ST3GAL5: variants seen among roughly 807,000 people sequenced by gnomAD.
ST3GAL5 encodes ST3 beta-galactoside alpha-2,3-sialyltransferase 5.
In ST3GAL5, 25 loss-of-function variants were observed where a neutral mutation model predicts 46.1. The observed-to-expected ratio is 0.54, with a 90% CI of 0.40 to 0.76. The LOEUF (loss-of-function observed/expected upper bound fraction) is 0.76. ST3GAL5 is among the 30% of genes least tolerant of loss of function. ST3GAL5 has a pLI of 0.00. For missense variants in ST3GAL5, 431 were observed against 521.2 expected (o/e 0.83, Z 1.69); for synonymous variants, 182 against 192.7 (o/e 0.94, Z 0.46).
chr2:85,851,716 G>C (rs1478253151), intron 3 of ST3GAL5: 3 of 1,289,232 alleles, frequency 2.3e-6, no homozygotes, highest in Non-Finnish European at 3.0e-6. Flanking sequence ...GCAATGAAGA[G>C]AGGAAGCAGT....
chr2:85,841,688 A>G (rs1682123271), intron 6 of ST3GAL5, among the ~76,000 whole-genome samples: 1 of 152,182 alleles, frequency 6.6e-6, no homozygotes, highest in African/African-American at 2.4e-5. Context: ...TCCTTTAAAA[A>G]TGTATCCTAC....
At chr2:85,885,798 C>A (rs1398554215) in intron 1 of ST3GAL5, among the ~76,000 whole-genome samples, 2 of 150,198 alleles carry the variant, frequency 1.3e-5, no homozygotes, top group Admixed American at 6.6e-5. Flanking sequence ...GCACTCCAGC[C>A]TGGGCGACGG....
intron 5 of ST3GAL5, chr2:85,845,913 G>A (rs1305874669): frequency 5.6e-6 from 1 of 178,112 alleles, no homozygotes; most frequent in East Asian, 1.5e-4. Flanking sequence ...CACTGGAAGA[G>A]GGCCAGGTGC....
chr2:85,865,426 A>G (rs1685193191), intron 1 of ST3GAL5, among the ~76,000 whole-genome samples: 1 of 152,160 alleles, frequency 6.6e-6, no homozygotes, highest in Non-Finnish European at 1.5e-5. Context: ...CTGTGTAGCA[A>G]GAGTTTTTAT....
chr2:85,875,920 G>C (rs1686506186), intron 1 of ST3GAL5, among the ~76,000 whole-genome samples: 1 of 152,150 alleles, frequency 6.6e-6, no homozygotes, highest in Admixed American at 6.5e-5. Flanking sequence ...CTGATTCCAA[G>C]ACCTGCCGCC....
Position 85,844,545 on chromosome 2 carries a change from C to A in ST3GAL5, c.859G>T (p.Val287Leu). 6.2e-7 allele frequency: 1 copy of A among 1,614,054 alleles called. No homozygotes were observed. Among genetic ancestry groups the A allele is most frequent in the South Asian group, 1.1e-5 (1 of 91,086 alleles). Residue 287 changes from valine to leucine, a missense_variant, in exon 6 of 7, where the codon GTA becomes TTA. Coordinates refer to ENST00000638572, the MANE Select transcript of ST3GAL5 (RefSeq NM_003896.4). Reference sequence around the variant, plus strand: ...ACCTGCTTCCAAAAGAAGAGTCGTACCCAGAATGGCTAAGGAAAGCAAGCA... The same window carrying A: ...ACCTGCTTCCAAAAGAAGAGTCGTAACCAGAATGGCTAAGGAAAGCAAGCA... ...MVKKETLPFW[V>L]RLFFWKQVAE...
At chr2:85,878,191 ACT>A (rs1686781442) in intron 1 of ST3GAL5, among the ~76,000 whole-genome samples, 1 of 152,156 alleles carries the variant, frequency 6.6e-6, no homozygotes, top group South Asian at 2.1e-4. Flanking sequence ...AGGTTTAGAA[ACT>A]CTGATTTGCC....
chr2:85,844,063 A>G (rs1026861688), intron 6 of ST3GAL5, among the ~76,000 whole-genome samples: 1 of 152,234 alleles, frequency 6.6e-6, no homozygotes, highest in Non-Finnish European at 1.5e-5. Context: ...TTAAAAAATA[A>G]AATGTAAATA....
intron 1 of ST3GAL5, among the ~76,000 whole-genome samples, chr2:85,863,709 C>CT (rs144021958): frequency 2.0e-3 from 285 of 144,756 alleles, no homozygotes; most frequent in Middle Eastern, 3.6e-3. Flanking sequence ...TCTCAACATT[C>CT]TTTTTTTTTT....
At chr2:85,841,311 C>T (rs1014221007) in intron 6 of ST3GAL5, among the ~76,000 whole-genome samples, 6 of 151,844 alleles carry the variant, frequency 4.0e-5, no homozygotes, top group East Asian at 1.9e-4. Context: ...TTCTTCCCAC[C>T]GTCTGTTTGG....
At chr2:85,852,865 A>T in intron 3 of ST3GAL5, 3 of 1,303,980 alleles carry the variant, frequency 2.3e-6, no homozygotes, top group Non-Finnish European at 3.0e-6. Context: ...CTTACCTCTA[A>T]GATATCCCAG....
intron 1 of ST3GAL5, among the ~76,000 whole-genome samples, chr2:85,872,009 C>T (rs1256325513): frequency 6.6e-6 from 1 of 152,116 alleles, no homozygotes; most frequent in African/African-American, 2.4e-5. Flanking sequence ...CTTCCCAGCA[C>T]AGCAGGAGAC....
Position 85,863,501 on chromosome 2 carries a change from A to T in ST3GAL5, c.83-16T>A. ...CTTGGCATTGCTGTGAAGAGAGGCGAAGAGGGCAGTGGGGAAAAAGAGAGG... is the reference window on the plus strand; with the variant it reads ...CTTGGCATTGCTGTGAAGAGAGGCGTAGAGGGCAGTGGGGAAAAAGAGAGG... On this transcript the variant is annotated splice_polypyrimidine_tract_variant and intron_variant, in intron 1 of 6. Transcript: ENST00000638572. The T allele has an allele frequency of 6.2e-7, 1 of 1,614,122 alleles. No individual in the cohort carries two copies. The highest frequency in any genetic ancestry group is 1.1e-5 in the South Asian group (1 of 91,082).
chr2:85,845,911 G>GA (rs1682743148), intron 5 of ST3GAL5: 1 of 174,670 alleles, frequency 5.7e-6, no homozygotes, highest in African/African-American at 2.4e-5. Context: ...ACCACTGGAA[G>GA]AGGGCCAGGT....
At chr2:85,859,068 G>A (rs1213788680) in intron 3 of ST3GAL5, among the ~76,000 whole-genome samples, 2 of 152,128 alleles carry the variant, frequency 1.3e-5, no homozygotes, top group East Asian at 1.9e-4. Flanking sequence ...GTGCCTGGCT[G>A]GACAGGAAAA....
chr2:85,874,201 A>G (rs1686268129), intron 1 of ST3GAL5, among the ~76,000 whole-genome samples: 1 of 152,220 alleles, frequency 6.6e-6, no homozygotes, highest in Non-Finnish European at 1.5e-5. Context: ...CTATTCCTCT[A>G]GTGTTGAGAA....
intron 1 of ST3GAL5, 39 bp downstream of exon 1, chr2:85,888,784 CG>C: frequency 8.5e-7 from 1 of 1,178,436 alleles, no homozygotes; most frequent in Non-Finnish European, 1.0e-6. Flanking sequence ...CCCCAGCCCG[CG>C]GGCCCCCGCG....
rs897370454 is a variant in ST3GAL5 at position 85,838,089 on chromosome 2, G to C, written c.*2055C>G. Reference sequence around the variant, plus strand: ...TCCAGCCAACTCCTATTGGCTGGTGGACTCTATAAAAGGTCTACAAAAATA... The same window carrying C: ...TCCAGCCAACTCCTATTGGCTGGTGCACTCTATAAAAGGTCTACAAAAATA... On this transcript the variant is annotated 3_prime_UTR_variant, in exon 7 of 7. Transcript: ENST00000638572. The C allele has an allele frequency of 6.6e-6, 1 of 152,170 alleles. No individual in the cohort carries two copies. Among genetic ancestry groups the C allele is most frequent in the East Asian group, 1.9e-4 (1 of 5,192 alleles). 9.4% of individuals were successfully genotyped at this position (152,170 alleles called of 1,614,324 possible).
At chr2:85,882,309 G>A (rs1687247949) in intron 1 of ST3GAL5, among the ~76,000 whole-genome samples, 1 of 152,206 alleles carries the variant, frequency 6.6e-6, no homozygotes, top group Non-Finnish European at 1.5e-5. Flanking sequence ...GTGGAGCTGT[G>A]AGAAGAGGGC....
Sources: gnomAD v4.1 joint callset for allele counts (sites outside exome capture counted in the v4.1 genomes callset) on GRCh38, gnomAD v4.1.1 for gene constraint, MANE v1.5 for transcripts, NCBI Gene and HGNC (gene_info 2026-07-23, HGNC 2026-07-21) for gene names.